ALK: variants seen among roughly 807,000 people sequenced by gnomAD.
ALK encodes the protein ALK receptor tyrosine kinase.
In ALK, 74 loss-of-function variants were observed where a neutral mutation model predicts 163.1. The observed-to-expected ratio is 0.45, with a 90% CI of 0.38 to 0.55. The LOEUF (loss-of-function observed/expected upper bound fraction) is 0.55. Ranked by LOEUF, ALK falls within the 20% of genes least tolerant of loss-of-function variation. ALK has a pLI of 0.00. For missense variants in ALK, 2,063 were observed against 2,105.3 expected, an observed-to-expected ratio of 0.98 and a Z score of 0.39; for synonymous variants, 960 against 843.2, an observed-to-expected ratio of 1.14 and a Z score of -2.40.
chr2:29,889,950 G>A (rs1256946615), intron 1 of ALK, among the ~76,000 whole-genome samples: 1 of 152,140 alleles, frequency 6.6e-6, no homozygotes, highest in Non-Finnish European at 1.5e-5. Flanking sequence ...ACAGCAAGAT[G>A]CTTTACAAAG....
At chr2:29,429,270 T>C (rs1670216771) in intron 4 of ALK, among the ~76,000 whole-genome samples, 1 of 151,752 alleles carries the variant, frequency 6.6e-6, no homozygotes. Flanking sequence ...TAGGCAAAAA[T>C]ATAAATAAAT....
At chr2:29,456,502 T>C (rs1670956555) in intron 4 of ALK, among the ~76,000 whole-genome samples, 1 of 152,230 alleles carries the variant, frequency 6.6e-6, no homozygotes, top group South Asian at 2.1e-4. Flanking sequence ...ATGAGGTATG[T>C]AGAGTAGTCA....
chr2:29,897,047 C>T (rs146956732), intron 1 of ALK, among the ~76,000 whole-genome samples: 1,610 of 152,222 alleles, frequency 0.011, 30 homozygotes, highest in African/African-American at 0.037. Context: ...AGGCCAGGCG[C>T]GGTGGCTCAT....
chr2:29,553,725 G>T (rs149350149), intron 3 of ALK, among the ~76,000 whole-genome samples: 1 of 152,162 alleles, frequency 6.6e-6, no homozygotes, highest in Non-Finnish European at 1.5e-5. Context: ...AGTAATGCAC[G>T]GCAGTACCTG....
intron 1 of ALK, among the ~76,000 whole-genome samples, chr2:29,794,998 C>T (rs184167715): frequency 6.6e-5 from 10 of 152,010 alleles, no homozygotes; most frequent in East Asian, 5.8e-4. Flanking sequence ...AAGCAAAGCA[C>T]GAAAAATGGA....
At chr2:29,777,894 T>C (rs1217112639) in intron 1 of ALK, among the ~76,000 whole-genome samples, 1 of 152,160 alleles carries the variant, frequency 6.6e-6, no homozygotes. Flanking sequence ...CCCAGATCAA[T>C]AGTCTCAGGG....
At chr2:29,821,940 C>T (rs1665059987) in intron 1 of ALK, among the ~76,000 whole-genome samples, 1 of 152,180 alleles carries the variant, frequency 6.6e-6, no homozygotes, top group South Asian at 2.1e-4. Flanking sequence ...ATTGTCTGGA[C>T]ATTCCTTCCT....
intron 1 of ALK, among the ~76,000 whole-genome samples, chr2:29,756,115 T>C (rs1680520460): frequency 6.6e-6 from 1 of 152,206 alleles, no homozygotes; most frequent in Non-Finnish European, 1.5e-5. Flanking sequence ...TTTATGCTCC[T>C]TGAACATTCT....
intron 3 of ALK, among the ~76,000 whole-genome samples, chr2:29,624,245 G>A (rs1321115699): frequency 1.3e-5 from 2 of 151,920 alleles, no homozygotes; most frequent in African/African-American, 2.4e-5. Context: ...GGCCAGTGTT[G>A]CACCTATTTC....
chr2:29,569,307 A>C (rs981098256), intron 3 of ALK, among the ~76,000 whole-genome samples: 4 of 151,814 alleles, frequency 2.6e-5, no homozygotes, highest in African/African-American at 9.7e-5. Flanking sequence ...CAGGAGCAGC[A>C]GCAGCAGCAG....
chr2:29,749,764 T>C (rs1680304980), intron 1 of ALK, among the ~76,000 whole-genome samples: 1 of 152,196 alleles, frequency 6.6e-6, no homozygotes. Flanking sequence ...ACAGCTTATC[T>C]ATAATATATG....
chr2:29,461,771 C>T (rs148853816), intron 4 of ALK, among the ~76,000 whole-genome samples: 77 of 152,112 alleles, frequency 5.1e-4, no homozygotes, highest in African/African-American at 1.4e-3. Context: ...CCATTGATCA[C>T]GAAGTAATTT....
chr2:29,217,058 TGTA>T (rs1392230536), intron 23 of ALK, among the ~76,000 whole-genome samples: 1 of 138,524 alleles, frequency 7.2e-6, no homozygotes, highest in African/African-American at 2.7e-5. Context: ...TGGTGTGTGT[TGTA>T]TGTGTATGTG....
At chr2:29,320,149 C>G (rs1240088814) in intron 7 of ALK, among the ~76,000 whole-genome samples, 1 of 152,240 alleles carries the variant, frequency 6.6e-6, no homozygotes, top group African/African-American at 2.4e-5. Flanking sequence ...CCAGGAGGGG[C>G]TGGCTATCTC....
At chr2:29,704,642 T>C (rs975339503) in intron 2 of ALK, among the ~76,000 whole-genome samples, 1 of 152,150 alleles carries the variant, frequency 6.6e-6, no homozygotes, top group Non-Finnish European at 1.5e-5. Context: ...TCACCTCCAA[T>C]AAAGCTTTTT....
chr2:29,212,890 A>T (rs1669502142), intron 24 of ALK, among the ~76,000 whole-genome samples: 1 of 152,120 alleles, frequency 6.6e-6, no homozygotes, highest in Non-Finnish European at 1.5e-5. Context: ...TTTTTAGTAG[A>T]CATGGGGTTG....
At chr2:29,430,231 T>G (rs2148073559) in intron 4 of ALK, among the ~76,000 whole-genome samples, 2 of 152,266 alleles carry the variant, frequency 1.3e-5, no homozygotes, top group South Asian at 4.2e-4. Context: ...CCTTGTTGCT[T>G]CAAAGCATAC....
rs769655557 is a variant in ALK at position 29,557,394 on chromosome 2, GA to G, written c.953-25279del. Among the ~76,000 whole-genome samples the G allele has an allele frequency of 8.0e-4, 122 of 152,318 alleles. 1 individual carries two copies. Among genetic ancestry groups the G allele is most frequent in the Non-Finnish European group, 1.6e-3 (106 of 68,020 alleles). On this transcript the variant is annotated intron_variant, in intron 3 of 28. Transcript: ENST00000389048. ...GATACTCTCTTAGAGAACGATTTCT[GA>G]AATAATTCCAGCCAGATTCTCAGGG...
At chr2:29,222,662 G>C (rs2148169604) in intron 20 of ALK, 55 bp from the exon 21 acceptor site, 458 of 1,484,082 alleles carry the variant, frequency 3.1e-4, no homozygotes, top group Non-Finnish European at 3.8e-4. Flanking sequence ...CAATAATGAG[G>C]CAGCTGGGGG....
Sources: allele counts gnomAD v4.1 joint callset (sites outside exome capture counted in the v4.1 genomes callset), GRCh38; gene constraint gnomAD v4.1.1; transcripts MANE v1.5; gene names NCBI Gene and HGNC (gene_info 2026-07-23, HGNC 2026-07-21).